CNTLN: variants seen among roughly 807,000 people sequenced by gnomAD.
CNTLN encodes centlein, also known as centlein, centrosomal protein.
Under a neutral mutation model 180.0 loss-of-function variants are expected in CNTLN, and 212 were observed. That is an observed-to-expected ratio of 1.18 (90% CI 1.05 to 1.32). The LOEUF (loss-of-function observed/expected upper bound fraction) is 1.32, where lower values mean the gene tolerates loss of function less well. Among genes scored for constraint, CNTLN ranks in the 40% most tolerant of loss-of-function variants. The pLI is 0.00. For synonymous variants in CNTLN, 722 were observed against 563.1 expected (o/e 1.28, Z -3.99); for missense variants, 2,095 against 1,610.9 (o/e 1.30, Z -5.14).
chr9:17,490,176 G>T (rs1227210491), intron 25 of CNTLN, among the ~76,000 whole-genome samples: 1 of 152,124 alleles, frequency 6.6e-6, no homozygotes, highest in African/African-American at 2.4e-5. Context: ...GCTTTAGAAA[G>T]ATGCTGAAGG....
At chr9:17,168,576 G>A (rs1421915740) in intron 2 of CNTLN, 1 of 152,098 alleles carries the variant, frequency 6.6e-6, no homozygotes, top group African/African-American at 2.4e-5. Flanking sequence ...TGCTGATTCT[G>A]TATGTGATCT....
intron 12 of CNTLN, among the ~76,000 whole-genome samples, chr9:17,356,871 C>A (rs1025990956): frequency 7.9e-5 from 12 of 152,080 alleles, no homozygotes; most frequent in Non-Finnish European, 7.4e-5. Flanking sequence ...ATTCTTTCCA[C>A]TTTTTCCCCT....
intron 18 of CNTLN, among the ~76,000 whole-genome samples, chr9:17,456,990 A>T (rs116672495): frequency 0.012 from 1,769 of 152,250 alleles, 28 homozygotes; most frequent in African/African-American, 0.04. Flanking sequence ...AGTGCATAAA[A>T]CTGAGCGAGT....
chr9:17,138,064 TC>T (rs1477674902), intron 1 of CNTLN, among the ~76,000 whole-genome samples: 1 of 152,198 alleles, frequency 6.6e-6, no homozygotes, highest in East Asian at 1.9e-4. Flanking sequence ...AAGGAATTTT[TC>T]AAGGGTGTTC....
chr9:17,207,640 C>T (rs1316187703), intron 2 of CNTLN, among the ~76,000 whole-genome samples: 2 of 152,122 alleles, frequency 1.3e-5, no homozygotes, highest in African/African-American at 2.4e-5. Flanking sequence ...GTACCCCACC[C>T]TGCTTCTGCT....
At chr9:17,242,245 A>G (rs1415342646) in intron 5 of CNTLN, among the ~76,000 whole-genome samples, 3 of 150,938 alleles carry the variant, frequency 2.0e-5, no homozygotes, top group African/African-American at 7.3e-5. Flanking sequence ...AGTTTTTATC[A>G]TGACACAATG....
At chr9:17,146,177 G>C (rs1818447300) in intron 2 of CNTLN, among the ~76,000 whole-genome samples, 1 of 152,058 alleles carries the variant, frequency 6.6e-6, no homozygotes, top group East Asian at 1.9e-4. Flanking sequence ...CAAAACCTAA[G>C]ATTTTCTTTT....
At chr9:17,376,288 A>G (rs779516142) in intron 13 of CNTLN, among the ~76,000 whole-genome samples, 14 of 152,116 alleles carry the variant, frequency 9.2e-5, no homozygotes, top group African/African-American at 1.7e-4. Flanking sequence ...TTCAAAATTA[A>G]TGACTTTATG....
chr9:17,194,809 A>T (rs781530883), intron 2 of CNTLN, among the ~76,000 whole-genome samples: 1 of 152,206 alleles, frequency 6.6e-6, no homozygotes, highest in Non-Finnish European at 1.5e-5. Context: ...GAGACTGGGA[A>T]GAAAAAGAAG....
chr9:17,255,411 T>C (rs1316845055), intron 5 of CNTLN, among the ~76,000 whole-genome samples: 1 of 151,694 alleles, frequency 6.6e-6, no homozygotes, highest in East Asian at 1.9e-4. Flanking sequence ...GTGTTCAATC[T>C]TGTCAAATGT....
At chr9:17,517,113 C>T in the CNTLN span, among the ~76,000 whole-genome samples, 3 of 152,010 alleles carry the variant, frequency 2.0e-5, no homozygotes, top group Admixed American at 6.6e-5. Flanking sequence ...AGGTCTTGGC[C>T]GGGCGCGGTG....
intron 13 of CNTLN, among the ~76,000 whole-genome samples, chr9:17,377,317 G>A (rs1057416919): frequency 6.6e-6 from 1 of 152,180 alleles, no homozygotes; most frequent in African/African-American, 2.4e-5. Context: ...GGCCGACGCA[G>A]GTGGATCACC....
intron 12 of CNTLN, among the ~76,000 whole-genome samples, chr9:17,355,086 A>G (rs2133331634): frequency 6.6e-6 from 1 of 152,246 alleles, no homozygotes; most frequent in Non-Finnish European, 1.5e-5. Flanking sequence ...CAGACTCCAG[A>G]CGCGCCACTT....
intron 7 of CNTLN, among the ~76,000 whole-genome samples, chr9:17,305,005 C>G (rs1818609426): frequency 6.6e-6 from 1 of 152,018 alleles, no homozygotes; most frequent in Non-Finnish European, 1.5e-5. Context: ...AATTCTTAAA[C>G]AAATTAGTAT....
At chr9:17,148,220 A>G (rs1364145094) in intron 2 of CNTLN, among the ~76,000 whole-genome samples, 1 of 152,194 alleles carries the variant, frequency 6.6e-6, no homozygotes, top group Admixed American at 6.5e-5. Context: ...AGCAAATCCT[A>G]GATATCATGC....
intron 14 of CNTLN, among the ~76,000 whole-genome samples, chr9:17,392,407 A>C (rs1223139717): frequency 6.6e-6 from 1 of 152,196 alleles, no homozygotes; most frequent in East Asian, 1.9e-4. Context: ...AGTGATTAAC[A>C]CTCCTTCAAT....
In CNTLN at chr9:17,372,184, T is replaced by C. The variant is rs188951630; in HGVS notation, c.1987+5467T>C. Among the ~76,000 whole-genome samples, 607 of 152,098 alleles carry C rather than the reference T, an allele frequency of 4.0e-3. 18 individuals carry two copies. Among genetic ancestry groups the C allele is most frequent in the Admixed American group, 0.035 (531 of 15,280 alleles). On this transcript the variant is annotated intron_variant, in intron 13 of 25. Transcript: ENST00000380647. ...ATCATTAAAACAAAAAATTGGTTTA[T>C]CAAAAAGCTAACCAAAATTTACAAA...
chr9:17,396,865 T>A (rs1326769374), intron 15 of CNTLN, among the ~76,000 whole-genome samples: 1 of 152,196 alleles, frequency 6.6e-6, no homozygotes, highest in Admixed American at 6.5e-5. Context: ...TCAAAAAACA[T>A]ATTCATGAAG....
chr9:17,478,977 G>A (rs568953055), intron 23 of CNTLN, among the ~76,000 whole-genome samples: 2 of 152,134 alleles, frequency 1.3e-5, no homozygotes, highest in African/African-American at 4.8e-5. Context: ...AGGGAAATGC[G>A]AATCAATGCC....
Sources: gnomAD v4.1 joint callset for allele counts (sites outside exome capture counted in the v4.1 genomes callset) on GRCh38, gnomAD v4.1.1 for gene constraint, MANE v1.5 for transcripts, NCBI Gene and HGNC (gene_info 2026-07-23, HGNC 2026-07-21) for gene names.